The following USP32 variants were observed in gnomAD, a reference collection of about 807,000 sequenced individuals.
USP32 encodes the protein ubiquitin carboxyl-terminal hydrolase 32.
Under a neutral mutation model 204.8 loss-of-function variants are expected in USP32, and 59 were observed. The ratio of observed to expected loss-of-function variants is 0.29; its 90% CI spans 0.23 to 0.36. The LOEUF is 0.36. USP32 is among the 10% of genes least tolerant of loss of function. USP32 has a pLI of 1.00. For missense variants in USP32, 1,160 were observed against 1,946.4 expected, an observed-to-expected ratio of 0.60 and a Z score of 7.60; for synonymous variants, 517 against 678.4, an observed-to-expected ratio of 0.76 and a Z score of 3.70.
chr17:60,191,709 C>T (rs2145409984), intron 28 of USP32, among the ~76,000 whole-genome samples: 1 of 151,650 alleles, frequency 6.6e-6, no homozygotes, highest in South Asian at 2.1e-4. Context: ...TGGGGTTTCA[C>T]CGTGTTAGCT....
chr17:60,306,822 T>C (rs540596677), intron 2 of USP32, among the ~76,000 whole-genome samples: 5 of 151,966 alleles, frequency 3.3e-5, no homozygotes, highest in Non-Finnish European at 5.9e-5. Context: ...AACTGATAAA[T>C]TGAGGAAAGA....
chr17:60,276,862 T>C (rs1439243769), intron 5 of USP32, among the ~76,000 whole-genome samples: 2 of 151,892 alleles, frequency 1.3e-5, no homozygotes, highest in Non-Finnish European at 2.9e-5. Context: ...TTTAAGTGTA[T>C]GTGATCTGTT....
At chr17:60,354,948 G>A (rs893910192) in intron 1 of USP32, among the ~76,000 whole-genome samples, 1 of 152,200 alleles carries the variant, frequency 6.6e-6, no homozygotes, top group Non-Finnish European at 1.5e-5. Flanking sequence ...GGAGACTGAG[G>A]CAGGAGAATC....
intron 1 of USP32, among the ~76,000 whole-genome samples, chr17:60,367,644 C>A (rs1231390762): frequency 6.6e-6 from 1 of 152,136 alleles, no homozygotes; most frequent in Non-Finnish European, 1.5e-5. Flanking sequence ...CCCATCTCTA[C>A]CAAAAATACA....
intron 1 of USP32, among the ~76,000 whole-genome samples, chr17:60,376,166 T>G (rs1394163311): frequency 6.6e-6 from 1 of 152,058 alleles, no homozygotes; most frequent in African/African-American, 2.4e-5. Flanking sequence ...CAGTCTAAGC[T>G]TCCCAAGGAG....
At chr17:60,416,423 G>A (rs528928934) in intron 1 of USP32, among the ~76,000 whole-genome samples, 1 of 152,186 alleles carries the variant, frequency 6.6e-6, no homozygotes, top group East Asian at 1.9e-4. Context: ...TGCATAAAGA[G>A]GGGGGTGGGC....
intron 11 of USP32, among the ~76,000 whole-genome samples, chr17:60,239,318 T>C (rs961242566): frequency 7.9e-5 from 12 of 152,246 alleles, no homozygotes; most frequent in Non-Finnish European, 4.4e-5. Context: ...TCAGTGTGGA[T>C]CACTTTGTTT....
chr17:60,294,857 G>T, intron 3 of USP32, 56 bp from the exon 4 acceptor site: 1 of 1,161,702 alleles, frequency 8.6e-7, no homozygotes, highest in Non-Finnish European at 1.3e-6. Context: ...ATATACGTTG[G>T]TGGAAGTAGG....
intron 11 of USP32, among the ~76,000 whole-genome samples, chr17:60,247,187 C>CTT (rs759850539): frequency 6.7e-6 from 1 of 148,904 alleles, no homozygotes; most frequent in African/African-American, 2.5e-5. Context: ...ATTTTCTTTT[C>CTT]TTTTTTTTTT....
chr17:60,217,948 G>T (rs886258126), intron 16 of USP32, among the ~76,000 whole-genome samples: 5 of 151,440 alleles, frequency 3.3e-5, no homozygotes, highest in African/African-American at 9.7e-5. Flanking sequence ...ATGTTGCCCA[G>T]GCTGGTCTCA....
chr17:60,420,287 C>T (rs527786473), intron 1 of USP32, among the ~76,000 whole-genome samples: 1 of 152,118 alleles, frequency 6.6e-6, no homozygotes, highest in African/African-American at 2.4e-5. Context: ...AGCCACCGCA[C>T]CCGGCAGAAT....
Position 60,403,925 on chromosome 17 carries a change from CAGCT to C in USP32, c.106+18317_106+18320del, listed in dbSNP as rs944876647. ...CAGTTTGGCACACGCCTGTGGGTCC[CAGCT>C]ACTTGGGCAGCTGAAGTAAGAGGAT... On this transcript the variant is annotated intron_variant, in intron 1 of 3. Transcript: ENST00000588898. 1.7e-3 allele frequency among the ~76,000 whole-genome samples: 252 copies of C among 151,828 alleles called. 1 individual carries two copies. Among genetic ancestry groups the C allele is most frequent in the African/African-American group, 5.9e-3 (243 of 41,422 alleles).
At chr17:60,223,878 G>C (rs1160186233) in intron 13 of USP32, among the ~76,000 whole-genome samples, 2 of 152,214 alleles carry the variant, frequency 1.3e-5, no homozygotes, top group African/African-American at 4.8e-5. Flanking sequence ...TGGAAGGGAA[G>C]AGCTGGGCTA....
chr17:60,200,649 A>G (rs113382873), intron 26 of USP32, among the ~76,000 whole-genome samples: 9,469 of 135,854 alleles, frequency 0.07, 1,041 homozygotes, highest in African/African-American at 0.23. Flanking sequence ...AATATAGCGA[A>G]CACTCAAAAG....
chr17:60,257,753 G>C (rs1487809859), intron 9 of USP32, among the ~76,000 whole-genome samples: 1 of 151,788 alleles, frequency 6.6e-6, no homozygotes, highest in Non-Finnish European at 1.5e-5. Flanking sequence ...CAAGGTGCTG[G>C]GGTTACACAG....
chr17:60,316,814 C>G (rs2087992349), intron 2 of USP32, among the ~76,000 whole-genome samples: 1 of 152,080 alleles, frequency 6.6e-6, no homozygotes, highest in African/African-American at 2.4e-5. Context: ...GCACTCCAGC[C>G]TGGGCAAAAG....
At chr17:60,407,910 C>T (rs565144273) in intron 1 of USP32, among the ~76,000 whole-genome samples, 1 of 151,894 alleles carries the variant, frequency 6.6e-6, no homozygotes, top group South Asian at 2.1e-4. Flanking sequence ...CCAGCCTGGC[C>T]AACATGGTGA....
chr17:60,306,089 A>T (rs2087715758), intron 2 of USP32, among the ~76,000 whole-genome samples: 1 of 152,134 alleles, frequency 6.6e-6, no homozygotes. Flanking sequence ...TCAAAAAGAA[A>T]AAAAAAGGAA....
At chr17:60,382,016 C>A (rs1306236075) in intron 1 of USP32, among the ~76,000 whole-genome samples, 1 of 152,132 alleles carries the variant, frequency 6.6e-6, no homozygotes, top group East Asian at 1.9e-4. Flanking sequence ...ATTTTTAAGA[C>A]CAAATTTTAT....
Sources: allele counts gnomAD v4.1 joint callset (sites outside exome capture counted in the v4.1 genomes callset), GRCh38; gene constraint gnomAD v4.1.1; transcripts MANE v1.5; gene names NCBI Gene and HGNC (gene_info 2026-07-23, HGNC 2026-07-21).